Variants in DYNC2I1 observed in about 807,000 individuals in gnomAD.
The protein encoded by DYNC2I1 is dynein 2 intermediate chain 1, also known as cytoplasmic dynein 2 intermediate chain 1.
A neutral mutation model predicts 133.4 loss-of-function variants in DYNC2I1; 89 were observed. The observed-to-expected ratio is 0.67, with a 90% CI of 0.56 to 0.80. DYNC2I1 has a LOEUF of 0.80. Among genes scored for constraint, DYNC2I1 ranks in the 30% least tolerant of loss-of-function variants. DYNC2I1 has a pLI of 0.00. For missense variants in DYNC2I1, 1,291 were observed against 1,314.5 expected (o/e 0.98, Z 0.28); for synonymous variants, 504 against 484.3 (o/e 1.04, Z -0.54).
rs373021160 is a variant in DYNC2I1, at chr7:158,911,669, A to G, written c.1580A>G (p.Asn527Ser). ...DMYIRNFGKK[N>S]TKQAYVQCNE... Reference sequence around the variant, plus strand: ...TATATCAGAAACTTTGGGAAAAAAAATACCAAGCAGGTAAGTATGAGATGT... The same window carrying G: ...TATATCAGAAACTTTGGGAAAAAAAGTACCAAGCAGGTAAGTATGAGATGT... Residue 527 changes from asparagine (N) to serine (S), a missense_variant, in exon 12 of 25, where the codon AAT (asparagine) becomes AGT (serine). Coordinates refer to ENST00000407559, the MANE Select transcript of DYNC2I1 (RefSeq NM_018051.5). 5 of 1,610,476 alleles carry G rather than the reference A, an allele frequency of 3.1e-6. No individual in the cohort carries two copies. Among genetic ancestry groups the G allele is most frequent in the Non-Finnish European group, 4.2e-6 (5 of 1,178,982 alleles).
intron 4 of DYNC2I1, among the ~76,000 whole-genome samples, chr7:158,952,449 T>C (rs1341475954): frequency 1.3e-5 from 2 of 152,192 alleles, no homozygotes; most frequent in East Asian, 3.9e-4. Flanking sequence ...AGAGAAGGCC[T>C]CTTCCGTGGC....
chr7:158,891,152 T>A (rs1236676414), intron 7 of DYNC2I1, 113 bp from the exon 8 acceptor site: 1 of 1,135,170 alleles, frequency 8.8e-7, no homozygotes, highest in East Asian at 2.4e-5. Context: ...TCTGTGCACC[T>A]GTTTGCTGAG....
the DYNC2I1 span, among the ~76,000 whole-genome samples, chr7:158,841,185 ATATATATAT>A: frequency 3.2e-5 from 1 of 31,738 alleles, no homozygotes; most frequent in African/African-American, 1.7e-4. Context: ...ATATATATAT[ATATATATAT>A]ATATATATAT....
At chr7:158,846,542 T>C in the DYNC2I1 span, among the ~76,000 whole-genome samples, 1 of 152,084 alleles carries the variant, frequency 6.6e-6, no homozygotes, top group Non-Finnish European at 1.5e-5. Flanking sequence ...TTAATTAAAT[T>C]GGCTGTAATT....
intron 17 of DYNC2I1, among the ~76,000 whole-genome samples, chr7:158,924,548 G>A (rs1375148946): frequency 6.6e-6 from 1 of 152,158 alleles, no homozygotes; most frequent in Non-Finnish European, 1.5e-5. Context: ...TCTGTGTGGG[G>A]CAATACTACT....
At chr7:158,920,610 T>A (rs1214245970) in intron 15 of DYNC2I1, among the ~76,000 whole-genome samples, 1 of 149,552 alleles carries the variant, frequency 6.7e-6, no homozygotes, top group East Asian at 2.0e-4. Flanking sequence ...TGTACTGCAG[T>A]GTGTGGCCTC....
rs1400041920 is a variant in DYNC2I1 at position 158,914,260 on chromosome 7, C to T, written c.1730C>T (p.Ala577Val). 1.9e-6 allele frequency: 3 copies of T among 1,612,496 alleles called. No homozygotes were observed. In the African/African-American group the frequency reaches 4.0e-5, roughly 22 times the overall value. The change falls in exon 14 of 25, where the codon GCT becomes GTT. Residue 577 changes from alanine (A) to valine (V), a missense_variant. Coordinates refer to ENST00000407559, the MANE Select transcript of DYNC2I1 (RefSeq NM_018051.5). ...GGSEQRDTSD[A>V]VVMPKIDTPR... is the part of the protein sequence containing the mutation. The stretch of plus-strand genomic sequence containing the variant: ...AGTGAACAAAGAGATACCTCTGATG[C>T]TGTAGTTATGCCAAAGATTGATACT...
chr7:158,863,549 G>C (rs1290409711), intron 1 of DYNC2I1, among the ~76,000 whole-genome samples: 1 of 150,620 alleles, frequency 6.6e-6, no homozygotes, highest in African/African-American at 2.4e-5. Flanking sequence ...TCTGGGTGTG[G>C]GAGGAGCGGG....
intron 2 of DYNC2I1, among the ~76,000 whole-genome samples, 171 bp from the exon 3 acceptor site, chr7:158,870,944 CTCCATGTCCTTTAGTGTTCTAAGAACA>C (rs1842821404): frequency 6.6e-6 from 1 of 152,202 alleles, no homozygotes; most frequent in Non-Finnish European, 1.5e-5. Context: ...CTAAGCTTGA[CTCCATGTCCTTTAGTGTTCTAAGAACA>C]TCCATGCAGG....
intron 8 of DYNC2I1, among the ~76,000 whole-genome samples, chr7:158,895,233 C>T (rs1845653491): frequency 6.6e-6 from 1 of 152,174 alleles, no homozygotes; most frequent in Admixed American, 6.6e-5. Flanking sequence ...TACCTAAAGT[C>T]ATCTAGATTT....
chr7:158,939,015 G>C (rs993701872), intron 23 of DYNC2I1, among the ~76,000 whole-genome samples: 5 of 152,096 alleles, frequency 3.3e-5, no homozygotes, highest in Non-Finnish European at 7.4e-5. Flanking sequence ...TATATAAATT[G>C]AGACAACTAA....
chr7:158,956,556 G>A (rs1327372092), intron 4 of DYNC2I1: 1 of 152,378 alleles, frequency 6.6e-6, no homozygotes, highest in African/African-American at 2.4e-5. Context: ...CCCATCCTGA[G>A]CGAACTGCTT....
chr7:158,926,485 G>A (rs753262637), intron 19 of DYNC2I1, 22 bp downstream of exon 19: 16 of 1,608,920 alleles, frequency 9.9e-6, no homozygotes, highest in African/African-American at 2.7e-5. Context: ...CCCAGGCCGG[G>A]CACATGCGGG....
chr7:158,953,960 A>G (rs1330823851), intron 4 of DYNC2I1, among the ~76,000 whole-genome samples: 4 of 152,130 alleles, frequency 2.6e-5, no homozygotes, highest in African/African-American at 9.7e-5. Flanking sequence ...TCCCCACCCA[A>G]ATGTCATCTT....
At chr7:158,930,004 G>A (rs1850058958) in intron 20 of DYNC2I1, among the ~76,000 whole-genome samples, 1 of 152,182 alleles carries the variant, frequency 6.6e-6, no homozygotes, top group Non-Finnish European at 1.5e-5. Context: ...TGTGCATTCT[G>A]CCCGGAGACC....
chr7:158,922,012 G>A (rs900487814), intron 15 of DYNC2I1, among the ~76,000 whole-genome samples: 1 of 152,210 alleles, frequency 6.6e-6, no homozygotes, highest in African/African-American at 2.4e-5. Context: ...CCTGCAGCTG[G>A]TGTATTAGCA....
rs183747037 is a variant in DYNC2I1, at chr7:158,892,721, G to A, written c.1059+1388G>A. ...AGCACCTTGGGAGGCCGAGGTGGGTGGATCACCCCAGGAGTTCGAGACCAG... is the reference window on the plus strand; with the variant it reads ...AGCACCTTGGGAGGCCGAGGTGGGTAGATCACCCCAGGAGTTCGAGACCAG... On this transcript the variant is annotated intron_variant, in intron 8 of 24. Transcript: ENST00000407559. 9.0e-4 allele frequency among the ~76,000 whole-genome samples: 137 copies of A among 152,098 alleles called. No homozygotes were observed. In the Middle Eastern group the frequency reaches 0.01, roughly 11 times the overall value.
downstream of DYNC2I1, among the ~76,000 whole-genome samples, chr7:158,950,188 C>A (rs1380384765): frequency 1.3e-5 from 2 of 152,212 alleles, no homozygotes; most frequent in African/African-American, 4.8e-5. Context: ...TCCAGCCTCC[C>A]AAGTACCTGG....
At chr7:158,931,517 C>T (rs1850215471) in intron 21 of DYNC2I1, among the ~76,000 whole-genome samples, 1 of 152,250 alleles carries the variant, frequency 6.6e-6, no homozygotes, top group African/African-American at 2.4e-5. Context: ...CCTCCAGCCT[C>T]TACAGTTCCC....
Sources: allele counts gnomAD v4.1 joint callset (sites outside exome capture counted in the v4.1 genomes callset), GRCh38; gene constraint gnomAD v4.1.1; transcripts MANE v1.5; gene names NCBI Gene and HGNC (gene_info 2026-07-23, HGNC 2026-07-21).